The following RGS5 variants were observed in gnomAD, a reference collection of about 807,000 sequenced individuals.
RGS5 encodes the protein regulator of G-protein signalling 5.
RGS5 carries 20 observed loss-of-function variants against 18.9 expected under a neutral mutation model. The observed-to-expected ratio is 1.06, with a 90% CI of 0.74 to 1.54. The LOEUF (loss-of-function observed/expected upper bound fraction) is 1.54. Ranked by LOEUF, RGS5 falls within the 40% of genes most tolerant of loss-of-function variation. RGS5 has a pLI of 0.00. For synonymous variants in RGS5, 57 were observed against 76.2 expected (o/e 0.75, Z 1.31); for missense variants, 201 against 211.8 (o/e 0.95, Z 0.32).
chr1:163,194,579 C>T (rs1659486032), intron 1 of RGS5, among the ~76,000 whole-genome samples: 1 of 151,976 alleles, frequency 6.6e-6, no homozygotes. Flanking sequence ...AGCTCAGGTG[C>T]CTGTATTCCC....
At chr1:163,167,648 G>A (rs1042432435) in intron 2 of RGS5, among the ~76,000 whole-genome samples, 6 of 152,130 alleles carry the variant, frequency 3.9e-5, no homozygotes, top group Admixed American at 3.9e-4. Context: ...ATTAATTTAT[G>A]AATTGGGAAA....
At chr1:163,274,169 T>C (rs1648792607) in intron 2 of RGS5, among the ~76,000 whole-genome samples, 1 of 152,154 alleles carries the variant, frequency 6.6e-6, no homozygotes, top group South Asian at 2.1e-4. Flanking sequence ...ATTTTGATAA[T>C]GACACCTGAG....
At chr1:163,202,006 G>A (rs576907667) in intron 1 of RGS5, among the ~76,000 whole-genome samples, 1 of 152,258 alleles carries the variant, frequency 6.6e-6, no homozygotes, top group Admixed American at 6.5e-5. Flanking sequence ...GCTTAGCCTA[G>A]ATACCTAGGA....
intron 2 of RGS5, among the ~76,000 whole-genome samples, chr1:163,255,142 GT>G (rs1280104960): frequency 8.0e-5 from 12 of 150,730 alleles, no homozygotes; most frequent in Admixed American, 7.3e-4. Context: ...CTCTTTTTTG[GT>G]TCCATATGAA....
At chr1:163,262,055 A>G (rs1326439504) in intron 2 of RGS5, among the ~76,000 whole-genome samples, 2 of 151,220 alleles carry the variant, frequency 1.3e-5, no homozygotes, top group Non-Finnish European at 3.0e-5. Flanking sequence ...TCTAGAGGCG[A>G]GGAGGCAGTA....
intron 1 of RGS5, among the ~76,000 whole-genome samples, chr1:163,194,307 G>A (rs984532529): frequency 2.0e-5 from 3 of 152,138 alleles, no homozygotes; most frequent in Admixed American, 1.3e-4. Flanking sequence ...ATATGTAATT[G>A]ATTGCATCTT....
chr1:163,243,770 TA>T (rs1173635052), intron 2 of RGS5, among the ~76,000 whole-genome samples: 281 of 134,392 alleles, frequency 2.1e-3, no homozygotes, highest in Admixed American at 1.9e-3. Flanking sequence ...AAAGTAACAT[TA>T]AAAAAAAAAA....
rs1657171594 is a variant in RGS5, at chr1:163,147,340, T to G, written c.*2A>C. The G allele has an allele frequency of 9.5e-6, 15 of 1,587,228 alleles. No homozygotes were observed. Among genetic ancestry groups the G allele is most frequent in the Non-Finnish European group, 1.3e-5 (15 of 1,169,542 alleles). On this transcript the variant is annotated 3_prime_UTR_variant, in exon 5 of 5. Coordinates refer to ENST00000313961, the MANE Select transcript of RGS5 (RefSeq NM_003617.4). ...GGATGATTTCATAGCCTGGCTAAATTACTACTTGATTAACTCCTGATAAAA... is the reference window on the plus strand; with the variant it reads ...GGATGATTTCATAGCCTGGCTAAATGACTACTTGATTAACTCCTGATAAAA...
At chr1:163,209,395 T>G (rs994756462) in intron 1 of RGS5, among the ~76,000 whole-genome samples, 7 of 152,168 alleles carry the variant, frequency 4.6e-5, no homozygotes, top group African/African-American at 1.7e-4. Context: ...TAGTATCAAG[T>G]CTTTTATTCC....
In RGS5 at chr1:163,147,318, T is replaced by C. The variant is rs199744533; in HGVS notation, c.*24A>G. 1.9e-4 allele frequency: 300 copies of C among 1,563,470 alleles called. No individual in the cohort carries two copies. The highest frequency in any genetic ancestry group is 2.5e-4 in the Non-Finnish European group (285 of 1,157,908). On this transcript the variant is annotated 3_prime_UTR_variant, in exon 5 of 5. Coordinates refer to ENST00000313961, the MANE Select transcript of RGS5 (RefSeq NM_003617.4). ...ATTATGGAGGAAATAACTCACAGGA[T>C]GATTTCATAGCCTGGCTAAATTACT... is the stretch of plus-strand genomic sequence containing the variant.
intron 3 of RGS5, among the ~76,000 whole-genome samples, chr1:163,158,539 C>T (rs1657676235): frequency 6.6e-6 from 1 of 152,048 alleles, no homozygotes; most frequent in Non-Finnish European, 1.5e-5. Flanking sequence ...CCAGGGGAGA[C>T]ATCACTTGTC....
intron 2 of RGS5, among the ~76,000 whole-genome samples, chr1:163,236,960 CA>C (rs36104212): frequency 1.7e-3 from 220 of 127,016 alleles, no homozygotes; most frequent in Middle Eastern, 0.013. Context: ...GACTGTGTCT[CA>C]AAAAAAAAAA....
At chr1:163,314,988 G>A (rs561741736) in intron 1 of RGS5, among the ~76,000 whole-genome samples, 16 of 152,186 alleles carry the variant, frequency 1.1e-4, no homozygotes, top group Admixed American at 7.8e-4. Flanking sequence ...CAGCCTGAAC[G>A]AACTAAGACA....
intron 2 of RGS5, among the ~76,000 whole-genome samples, chr1:163,253,389 C>A (rs1201859756): frequency 6.6e-6 from 1 of 151,948 alleles, no homozygotes; most frequent in African/African-American, 2.4e-5. Flanking sequence ...GCTCACTGCA[C>A]CCTCCGCCTC....
intron 2 of RGS5, among the ~76,000 whole-genome samples, chr1:163,243,643 C>CAAAAA (rs3069033): frequency 0.045 from 2,496 of 54,914 alleles, 309 homozygotes; most frequent in Middle Eastern, 0.087. Context: ...GACTCCGTCT[C>CAAAAA]AAAAAAAAAA....
intron 2 of RGS5, chr1:163,244,806 G>A (rs1477550901): frequency 2.0e-5 from 3 of 152,190 alleles, no homozygotes; most frequent in Non-Finnish European, 4.4e-5. Context: ...TAACCAGAAA[G>A]CCATCATTAT....
At chr1:163,280,244 C>A (rs558904250) in intron 2 of RGS5, among the ~76,000 whole-genome samples, 1 of 151,942 alleles carries the variant, frequency 6.6e-6, no homozygotes, top group Admixed American at 6.6e-5. Context: ...TTGAGGAACA[C>A]AGTTGTAAAA....
intron 2 of RGS5, among the ~76,000 whole-genome samples, chr1:163,164,601 C>T (rs566274721): frequency 6.6e-6 from 1 of 152,266 alleles, no homozygotes; most frequent in South Asian, 2.1e-4. Context: ...CTGTGGTGTA[C>T]CCTTACAGCA....
intron 2 of RGS5, among the ~76,000 whole-genome samples, chr1:163,299,478 A>G (rs10917716): frequency 0.42 from 63,272 of 152,024 alleles, 13,666 homozygotes; most frequent in South Asian, 0.5. Flanking sequence ...CGTAAGCTAA[A>G]TATATTGTGA....
Sources: allele counts gnomAD v4.1 joint callset (sites outside exome capture counted in the v4.1 genomes callset), GRCh38; gene constraint gnomAD v4.1.1; transcripts MANE v1.5; gene names NCBI Gene and HGNC (gene_info 2026-07-23, HGNC 2026-07-21).